ARHGAP12: variants seen among roughly 807,000 people sequenced by gnomAD.
ARHGAP12 encodes the protein rho GTPase-activating protein 12.
Under a neutral mutation model 108.6 loss-of-function variants are expected in ARHGAP12, and 64 were observed. That is an observed-to-expected ratio of 0.59 (90% CI 0.48 to 0.73). The LOEUF (loss-of-function observed/expected upper bound fraction) is 0.73, where lower values mean the gene tolerates loss of function less well. Ranked by LOEUF, ARHGAP12 falls within the 30% of genes least tolerant of loss-of-function variation. The pLI is 0.00. For synonymous variants in ARHGAP12, 312 were observed against 337.2 expected (o/e 0.93, Z 0.82); for missense variants, 940 against 1,005.9 (o/e 0.93, Z 0.89).
intron 1 of ARHGAP12, among the ~76,000 whole-genome samples, chr10:31,915,557 T>G (rs964037833): frequency 1.3e-5 from 2 of 152,188 alleles, no homozygotes; most frequent in African/African-American, 4.8e-5. Context: ...GACAATATAC[T>G]GTATTCTTGA....
At chr10:31,855,261 C>A (rs563504679) in intron 4 of ARHGAP12, among the ~76,000 whole-genome samples, 1 of 152,152 alleles carries the variant, frequency 6.6e-6, no homozygotes, top group East Asian at 1.9e-4. Flanking sequence ...TGCCTACTGA[C>A]AAGAGGCACC....
At chr10:31,814,496 A>G in intron 13 of ARHGAP12, 135 bp from the exon 14 acceptor site, 1 of 663,510 alleles carries the variant, frequency 1.5e-6, no homozygotes, top group Non-Finnish European at 2.6e-6. Context: ...TACAGTATGT[A>G]TGACTTAGAT....
At chr10:31,812,506 TTA>T in intron 15 of ARHGAP12, 199 bp downstream of exon 15, 1 of 353,878 alleles carries the variant, frequency 2.8e-6, no homozygotes, top group South Asian at 6.2e-5. Context: ...AGTGTGTTAT[TTA>T]TGTCTGTCCA....
At chr10:31,865,100 C>T (rs1837274766) in intron 3 of ARHGAP12, among the ~76,000 whole-genome samples, 1 of 152,032 alleles carries the variant, frequency 6.6e-6, no homozygotes, top group Admixed American at 6.6e-5. Flanking sequence ...AAGTGAAAGG[C>T]CTAAGGAAAA....
intron 3 of ARHGAP12, among the ~76,000 whole-genome samples, chr10:31,904,764 C>T (rs1018953037): frequency 1.3e-5 from 2 of 151,980 alleles, no homozygotes; most frequent in Non-Finnish European, 2.9e-5. Context: ...GTAGCTGGGA[C>T]TACAGGCACA....
At chr10:31,817,936 A>G (rs375887452) in intron 12 of ARHGAP12, 50 bp from the exon 13 acceptor site, 8 of 1,325,010 alleles carry the variant, frequency 6.0e-6, no homozygotes, top group Non-Finnish European at 7.6e-6. Flanking sequence ...TTGTGCTTTC[A>G]GCAAAATACA....
chr10:31,905,070 C>T (rs1839072748), intron 3 of ARHGAP12, among the ~76,000 whole-genome samples: 1 of 151,856 alleles, frequency 6.6e-6, no homozygotes, highest in Non-Finnish European at 1.5e-5. Flanking sequence ...GGTGTGATAT[C>T]GACAAGGAAG....
At chr10:31,851,102 T>G (rs1836661792) in intron 6 of ARHGAP12, among the ~76,000 whole-genome samples, 1 of 152,068 alleles carries the variant, frequency 6.6e-6, no homozygotes, top group Non-Finnish European at 1.5e-5. Context: ...ATACGGGAGC[T>G]CTTATAATTA....
At chr10:31,923,992 T>C (rs1316565758) in intron 1 of ARHGAP12, among the ~76,000 whole-genome samples, 1 of 152,194 alleles carries the variant, frequency 6.6e-6, no homozygotes, top group Non-Finnish European at 1.5e-5. Flanking sequence ...ACCCTAATGA[T>C]GCAAATTAAA....
intron 9 of ARHGAP12, among the ~76,000 whole-genome samples, chr10:31,838,631 A>C (rs1293948567): frequency 6.6e-6 from 1 of 151,970 alleles, no homozygotes. Context: ...GGAGTTTGAG[A>C]CCAGCCTGGT....
chr10:31,839,033 C>T (rs1211072698), intron 9 of ARHGAP12, among the ~76,000 whole-genome samples: 5 of 150,834 alleles, frequency 3.3e-5, no homozygotes, highest in Admixed American at 6.6e-5. Context: ...AAAACGGTAA[C>T]GAAAAAAAAC....
At chr10:31,857,655 T>A (rs548763096) in intron 4 of ARHGAP12, among the ~76,000 whole-genome samples, 2 of 152,174 alleles carry the variant, frequency 1.3e-5, no homozygotes, top group African/African-American at 4.8e-5. Flanking sequence ...AGACACATGA[T>A]CTTTAAAGCT....
In ARHGAP12 at chr10:31,908,426, G is replaced by C. The variant is rs780514425; in HGVS notation, c.430C>G (p.Gln144Glu). ...AGGTCCAGGCTTAGGTTGACAGTCT[G>C]ACCTTGATTATAACTGGGTCCAAAA... Reference protein sequence around the residue: ...QNFGPSYNQGQTVNLSLDLTH... With the variant: ...QNFGPSYNQGETVNLSLDLTH... The change falls in exon 3 of 20, where the codon CAG becomes GAG. Residue 144 changes from glutamine to glutamate, a missense_variant. Physicochemically the swap from Gln to Glu is conservative, Grantham distance 29. Transcript: ENST00000344936. 3.1e-5 allele frequency: 50 copies of C among 1,614,052 alleles called. No homozygotes were observed. The highest frequency in any genetic ancestry group is 4.1e-5 in the Non-Finnish European group (48 of 1,180,028).
chr10:31,926,675 G>A (rs1356844336), intron 1 of ARHGAP12, among the ~76,000 whole-genome samples: 8 of 152,108 alleles, frequency 5.3e-5, no homozygotes, highest in African/African-American at 1.7e-4. Context: ...ATTATTTTCA[G>A]TAATATCACT....
At chr10:31,901,726 T>A (rs963068910) in intron 3 of ARHGAP12, among the ~76,000 whole-genome samples, 2 of 152,164 alleles carry the variant, frequency 1.3e-5, no homozygotes, top group African/African-American at 2.4e-5. Context: ...ACAATTCTGA[T>A]GCTCTTGTAT....
At chr10:31,828,449 A>T (rs891039832) in intron 10 of ARHGAP12, among the ~76,000 whole-genome samples, 2 of 152,100 alleles carry the variant, frequency 1.3e-5, no homozygotes, top group South Asian at 4.1e-4. Context: ...TTGTAAATTC[A>T]TTTTATATTC....
At chr10:31,911,135 T>A (rs1167288297) in intron 1 of ARHGAP12, among the ~76,000 whole-genome samples, 1 of 152,206 alleles carries the variant, frequency 6.6e-6, no homozygotes. Context: ...GCAATTCTCC[T>A]GCCTCAGCCT....
Position 31,812,771 on chromosome 10 carries a change from G to C in ARHGAP12, c.1887C>G (p.Asn629Lys), listed in dbSNP as rs1175328979. 3.7e-6 allele frequency: 6 copies of C among 1,608,392 alleles called. No homozygotes were observed. The highest frequency in any genetic ancestry group is 5.1e-6 in the Non-Finnish European group (6 of 1,178,410). Residue 629 changes from asparagine to lysine, a missense_variant, in exon 15 of 20, where the codon AAC becomes AAG. By Grantham distance (94) the Asn-to-Lys change is moderately conservative. Coordinates refer to ENST00000344936, the MANE Select transcript of ARHGAP12 (RefSeq NM_018287.7). ...DSSEQKKTKK[N>K]LKKFLTRRPT... ...GGCGTCGTGTAAGAAACTTCTTTAA[G>C]TTTTTCTTGGTTTTTTTCTGTTCTG...
chr10:31,845,729 G>A (rs1433914638), intron 6 of ARHGAP12, among the ~76,000 whole-genome samples: 1 of 152,048 alleles, frequency 6.6e-6, no homozygotes, highest in Non-Finnish European at 1.5e-5. Context: ...AAGCTGCAGC[G>A]AACCGAAATT....
Sources: allele counts gnomAD v4.1 joint callset (sites outside exome capture counted in the v4.1 genomes callset), GRCh38; gene constraint gnomAD v4.1.1; transcripts MANE v1.5; gene names NCBI Gene and HGNC (gene_info 2026-07-23, HGNC 2026-07-21).